Variants in SLIT3 observed in about 807,000 individuals in gnomAD.
SLIT3 encodes slit guidance ligand 3.
Under a neutral mutation model 184.0 loss-of-function variants are expected in SLIT3, and 68 were observed. That is an observed-to-expected ratio of 0.37 (90% confidence interval 0.30 to 0.45). The LOEUF (loss-of-function observed/expected upper bound fraction) is 0.45. Among genes scored for constraint, SLIT3 ranks in the 20% least tolerant of loss-of-function variants. SLIT3 has a pLI of 1.00. For synonymous variants in SLIT3, 831 were observed against 828.6 expected (o/e 1.00, Z -0.05); for missense variants, 1,707 against 2,026.0 (o/e 0.84, Z 3.02).
intron 3 of SLIT3, among the ~76,000 whole-genome samples, chr5:169,242,507 A>G (rs926714072): frequency 6.6e-6 from 1 of 152,142 alleles, no homozygotes. Context: ...CCCATGTGAA[A>G]TTTTTCATGC....
intron 4 of SLIT3, among the ~76,000 whole-genome samples, chr5:169,148,094 T>A (rs1208860041): frequency 6.6e-6 from 1 of 152,144 alleles, no homozygotes; most frequent in Non-Finnish European, 1.5e-5. Context: ...CGTACCAGGT[T>A]CCAATCTCAG....
intron 4 of SLIT3, among the ~76,000 whole-genome samples, chr5:169,078,277 T>A (rs531972195): frequency 6.6e-6 from 1 of 152,320 alleles, no homozygotes; most frequent in South Asian, 2.1e-4. Context: ...TGGCTTCCTA[T>A]TCTCCTTTCT....
chr5:168,954,059 TC>T (rs1304620817), intron 4 of SLIT3, among the ~76,000 whole-genome samples: 1 of 151,990 alleles, frequency 6.6e-6, no homozygotes, highest in Non-Finnish European at 1.5e-5. Context: ...CAAGTGTCAC[TC>T]CAGAGCCCAA....
intron 27 of SLIT3, among the ~76,000 whole-genome samples, chr5:168,699,252 G>A (rs888294918): frequency 6.6e-6 from 1 of 152,230 alleles, no homozygotes; most frequent in Non-Finnish European, 1.5e-5. Flanking sequence ...CGGGTTCCCG[G>A]GGGAAGAGAA....
rs755032017 is a variant in SLIT3 at position 168,692,625 on chromosome 5, G to A, written c.3158C>T (p.Pro1053Leu). 19 of 1,613,766 alleles carry A rather than the reference G, an allele frequency of 1.2e-5. No homozygotes were observed. In the South Asian group the frequency reaches 1.9e-4, roughly 16 times the overall value. The change falls in exon 29 of 36, where the codon CCC becomes CTC. Residue 1053 changes from proline (P) to leucine (L), a missense_variant. This residue lies in a region of SLIT3 where 1,307 missense variants were observed against 1,511.6 expected (regional missense o/e 0.86). Coordinates refer to ENST00000519560, the MANE Select transcript of SLIT3 (RefSeq NM_003062.4). ...NLCQHEAKCI[P>L]LDKGFSCECV... ...GTCTTACCTGAATCCTTTGTCCAGG[G>A]GGATGCACTTGGCCTCATGCTGACA... is the stretch of plus-strand genomic sequence containing the variant.
Position 168,752,969 on chromosome 5 carries a change from G to C in SLIT3, c.1959C>G (p.Val653=). ...GGAGAACTTACATGGTGGACAGGGA[G>C]ACAAGCGTGGTGAAGGCCCCAGGGG... The part of the protein sequence containing the change: ...TITPGAFTTL[V]SLSTINLLSN... Residue 653 remains valine (V), a synonymous_variant, in exon 18 of 36, where the codon GTC becomes GTG. Transcript: ENST00000519560. 1 of 1,614,126 alleles carries C rather than the reference G, an allele frequency of 6.2e-7. No homozygotes were observed. The highest frequency in any genetic ancestry group is 8.5e-7 in the Non-Finnish European group (1 of 1,180,010).
intron 4 of SLIT3, among the ~76,000 whole-genome samples, chr5:169,036,747 G>A (rs1188021025): frequency 3.3e-5 from 5 of 152,056 alleles, no homozygotes; most frequent in East Asian, 1.9e-4. Context: ...TAAACCAAAC[G>A]CCAGACCTGA....
intron 4 of SLIT3, among the ~76,000 whole-genome samples, chr5:169,103,006 A>G (rs1327849317): frequency 6.6e-6 from 1 of 152,172 alleles, no homozygotes; most frequent in Non-Finnish European, 1.5e-5. Flanking sequence ...CTATGATAAT[A>G]AAAGTTATAA....
intron 16 of SLIT3, among the ~76,000 whole-genome samples, chr5:168,755,388 C>CCTTCCTTCCTTCCTTCCTTTCTTT (rs1754858064): frequency 9.3e-6 from 1 of 107,246 alleles, no homozygotes. Flanking sequence ...TCAGTGCCGC[C>CCTTCCTTCCTTCCTTCCTTTCTTT]ATTTCTTTCT....
intron 4 of SLIT3, among the ~76,000 whole-genome samples, chr5:169,057,566 C>T (rs902379059): frequency 6.6e-6 from 1 of 152,168 alleles, no homozygotes; most frequent in African/African-American, 2.4e-5. Context: ...GTCAGAGGCT[C>T]TACTAGGAAG....
intron 1 of SLIT3, among the ~76,000 whole-genome samples, chr5:169,295,346 T>G (rs1159520504): frequency 6.6e-6 from 1 of 152,242 alleles, no homozygotes; most frequent in African/African-American, 2.4e-5. Flanking sequence ...ATTTTACAGT[T>G]AAGAAATCAT....
intron 4 of SLIT3, among the ~76,000 whole-genome samples, chr5:169,044,596 G>T (rs60855986): frequency 0.1 from 15,383 of 148,730 alleles, 1,060 homozygotes; most frequent in East Asian, 0.41. Flanking sequence ...GTGGGGGGGG[G>T]GATGGGGAGA....
At chr5:168,678,850 A>C (rs77930656) in intron 32 of SLIT3, among the ~76,000 whole-genome samples, 1 of 152,176 alleles carries the variant, frequency 6.6e-6, no homozygotes, top group East Asian at 1.9e-4. Flanking sequence ...CCAAGCCCCA[A>C]TGATTAGTCT....
At chr5:168,806,673 A>G in intron 8 of SLIT3, 86 bp from the exon 9 acceptor site, 1 of 1,502,842 alleles carries the variant, frequency 6.7e-7, no homozygotes. Flanking sequence ...TCCTAAGGGC[A>G]AAGCATGACC....
chr5:169,259,136 A>C (rs1212633832), intron 1 of SLIT3, among the ~76,000 whole-genome samples: 1 of 152,184 alleles, frequency 6.6e-6, no homozygotes, highest in Non-Finnish European at 1.5e-5. Context: ...GCAGTGGCTC[A>C]ATCTCACCTC....
Position 169,157,858 on chromosome 5 carries a change from G to GA in SLIT3, c.413+35620dup, listed in dbSNP as rs1278622401. ...AAAAAGAACCAAATGAAAATTTCAG[G>GA]AAAAAATAGCCAAAATAAAAAATTC... On this transcript the variant is annotated intron_variant, in intron 4 of 35. Transcript: ENST00000519560. 3.3e-5 allele frequency among the ~76,000 whole-genome samples: 5 copies of GA among 151,576 alleles called. No homozygotes were observed. In the East Asian group the frequency reaches 9.7e-4, roughly 29 times the overall value.
At chr5:169,166,387 C>T (rs1388776777) in intron 4 of SLIT3, among the ~76,000 whole-genome samples, 1 of 152,142 alleles carries the variant, frequency 6.6e-6, no homozygotes, top group Non-Finnish European at 1.5e-5. Flanking sequence ...TATTACAGTT[C>T]GCAGGGCAGT....
At chr5:169,084,284 CTTTTCTTTTTTTTTTT>C (rs1361541934) in intron 4 of SLIT3, among the ~76,000 whole-genome samples, 1 of 148,684 alleles carries the variant, frequency 6.7e-6, no homozygotes, top group Non-Finnish European at 1.5e-5. Flanking sequence ...GTTTCTTTTT[CTTTTCTTTTTTTTTTT>C]TTTGAGACAG....
intron 20 of SLIT3, among the ~76,000 whole-genome samples, chr5:168,741,556 T>C (rs1480725315): frequency 6.6e-6 from 1 of 150,702 alleles, no homozygotes; most frequent in Non-Finnish European, 1.5e-5. Flanking sequence ...TGCTTAACTC[T>C]GGAGGGGGAA....
Sources: allele counts gnomAD v4.1 joint callset (sites outside exome capture counted in the v4.1 genomes callset), GRCh38; gene constraint gnomAD v4.1.1; regional missense constraint gnomAD v4.1.1; transcripts MANE v1.5; gene names NCBI Gene and HGNC (gene_info 2026-07-23, HGNC 2026-07-21).